FPR3: variants seen among roughly 807,000 people sequenced by gnomAD.
FPR3 encodes the protein N-formyl peptide receptor 3.
For synonymous variants in FPR3, 135 were observed against 163.6 expected, an observed-to-expected ratio of 0.83 and a Z score of 1.34; for missense variants, 346 against 443.2, an observed-to-expected ratio of 0.78 and a Z score of 1.97.
chr19:51,815,567 TA>T (rs71180419), intron 1 of FPR3, among the ~76,000 whole-genome samples: 4 of 143,928 alleles, frequency 2.8e-5, no homozygotes, highest in Non-Finnish European at 3.0e-5. Context: ...AGACTCTGTC[TA>T]AAAAAAAAAA....
At chr19:51,808,367 G>A (rs2084074328) in intron 1 of FPR3, among the ~76,000 whole-genome samples, 1 of 152,144 alleles carries the variant, frequency 6.6e-6, no homozygotes, top group African/African-American at 2.4e-5. Context: ...GAGCTATTTT[G>A]AGATTCCATT....
At chr19:51,796,453 T>C (rs906097375) in intron 1 of FPR3, among the ~76,000 whole-genome samples, 3 of 152,214 alleles carry the variant, frequency 2.0e-5, no homozygotes, top group Non-Finnish European at 2.9e-5. Context: ...CACCATCTTA[T>C]TGGACCTTTT....
rs189043081 is a variant in FPR3 at position 51,799,249 on chromosome 19, G to A, written c.-11+3918G>A. On this transcript the variant is annotated intron_variant, in intron 1 of 1. Coordinates refer to ENST00000339223, the MANE Select transcript of FPR3 (RefSeq NM_002030.5). ...GTCTCATGTACCTCCCGGGGTCTGT[G>A]AATACTAAAACCTCTCGAACTTTAA... 4.7e-3 allele frequency among the ~76,000 whole-genome samples: 710 copies of A among 152,182 alleles called. 1 individual carries two copies. The highest frequency in any genetic ancestry group is 0.014 in the Middle Eastern group (4 of 294).
At chr19:51,814,702 C>T (rs2084121692) in intron 1 of FPR3, among the ~76,000 whole-genome samples, 1 of 152,142 alleles carries the variant, frequency 6.6e-6, no homozygotes, top group Admixed American at 6.5e-5. Context: ...CCATGTTGGC[C>T]AGGCTGGTCT....
chr19:51,804,597 T>C (rs913261785), intron 1 of FPR3, among the ~76,000 whole-genome samples: 2 of 152,264 alleles, frequency 1.3e-5, no homozygotes, highest in Admixed American at 6.5e-5. Context: ...CTTTACAACA[T>C]AGGTACTAAC....
chr19:51,810,517 G>A (rs575607990), intron 1 of FPR3, among the ~76,000 whole-genome samples: 74 of 152,262 alleles, frequency 4.9e-4, no homozygotes, highest in African/African-American at 1.7e-3. Context: ...GATAAGCAGC[G>A]TCTGGGAGTG....
rs555304363 is a variant in FPR3, at chr19:51,799,212, T to C, written c.-11+3881T>C. 2.1e-3 allele frequency among the ~76,000 whole-genome samples: 317 copies of C among 152,286 alleles called. 2 individuals carry two copies. The highest frequency in any genetic ancestry group is 3.4e-3 in the Non-Finnish European group (229 of 68,014). On this transcript the variant is annotated intron_variant, in intron 1 of 1. Transcript: ENST00000339223. ...GCCTGTCCTCTTGCTCCTCTGAGTG[T>C]GGCCTCCAGATGTCTCATGTACCTC...
chr19:51,814,659 A>G (rs1309733467), intron 1 of FPR3, among the ~76,000 whole-genome samples: 1 of 151,500 alleles, frequency 6.6e-6, no homozygotes, highest in Non-Finnish European at 1.5e-5. Flanking sequence ...CTGCTGGGCT[A>G]ATTTTTGTAT....
intron 1 of FPR3, among the ~76,000 whole-genome samples, chr19:51,816,100 G>T (rs1481177414): frequency 6.6e-6 from 1 of 150,786 alleles, no homozygotes; most frequent in East Asian, 1.9e-4. Context: ...AATGAGATTA[G>T]ATGAGCTTCT....
chr19:51,802,121 T>A (rs988507981), intron 1 of FPR3, among the ~76,000 whole-genome samples: 1 of 152,048 alleles, frequency 6.6e-6, no homozygotes, highest in African/African-American at 2.4e-5. Flanking sequence ...AAATTTATTA[T>A]ATAAAACCGA....
intron 1 of FPR3, among the ~76,000 whole-genome samples, chr19:51,797,768 G>A (rs1471438365): frequency 6.6e-6 from 1 of 151,968 alleles, no homozygotes; most frequent in African/African-American, 2.4e-5. Flanking sequence ...GCTTCATAGT[G>A]CAGGGTTCGG....
intron 1 of FPR3, among the ~76,000 whole-genome samples, chr19:51,803,100 T>C (rs2084035086): frequency 6.6e-6 from 1 of 152,220 alleles, no homozygotes; most frequent in African/African-American, 2.4e-5. Flanking sequence ...AAACATTTGA[T>C]GTCTAATTAA....
chr19:51,796,983 A>G (rs898731943), intron 1 of FPR3, among the ~76,000 whole-genome samples: 2 of 152,240 alleles, frequency 1.3e-5, no homozygotes, highest in Admixed American at 1.3e-4. Context: ...TTTAGAATAG[A>G]AAACACCGTA....
intron 1 of FPR3, among the ~76,000 whole-genome samples, chr19:51,800,278 C>T (rs898031186): frequency 2.0e-5 from 3 of 152,178 alleles, no homozygotes; most frequent in Non-Finnish European, 2.9e-5. Context: ...GAAAGAAAAG[C>T]GGCTGCCTAC....
chr19:51,813,579 G>A (rs2084113253), intron 1 of FPR3, among the ~76,000 whole-genome samples: 1 of 151,900 alleles, frequency 6.6e-6, no homozygotes, highest in South Asian at 2.1e-4. Flanking sequence ...CACCTAGGCT[G>A]GAGTGCAGTG....
At chr19:51,814,216 T>G (rs2084117713) in intron 1 of FPR3, among the ~76,000 whole-genome samples, 1 of 152,216 alleles carries the variant, frequency 6.6e-6, no homozygotes, top group African/African-American at 2.4e-5. Context: ...TTCATGGTTG[T>G]GTTGTTTCAG....
chr19:51,806,199 T>C (rs1395912220), intron 1 of FPR3, among the ~76,000 whole-genome samples: 2 of 152,218 alleles, frequency 1.3e-5, no homozygotes, highest in Non-Finnish European at 2.9e-5. Flanking sequence ...TCATGGCTCG[T>C]ACCGGAGGGA....
chr19:51,819,300 G>A (rs896615471), intron 1 of FPR3, among the ~76,000 whole-genome samples: 1 of 152,142 alleles, frequency 6.6e-6, no homozygotes, highest in Non-Finnish European at 1.5e-5. Flanking sequence ...TCCTGGGGAG[G>A]CCAGTGCTAA....
At chr19:51,806,359 T>C (rs935126057) in intron 1 of FPR3, among the ~76,000 whole-genome samples, 16 of 152,220 alleles carry the variant, frequency 1.1e-4, no homozygotes, top group African/African-American at 3.9e-4. Flanking sequence ...GGCCTTTCCA[T>C]TGTCCTTCTT....
Sources: gnomAD v4.1 joint callset for allele counts (sites outside exome capture counted in the v4.1 genomes callset) on GRCh38, gnomAD v4.1.1 for gene constraint, MANE v1.5 for transcripts, NCBI Gene and HGNC (gene_info 2026-07-23, HGNC 2026-07-21) for gene names.